Variants in CROCC2 observed in about 807,000 individuals in gnomAD.
CROCC2 encodes ciliary rootlet coiled-coil protein 2.
CROCC2 carries 163 observed loss-of-function variants against 177.6 expected under a neutral mutation model. That is an observed-to-expected ratio of 0.92 (90% confidence interval 0.81 to 1.05). The LOEUF is 1.05. Ranked by LOEUF, CROCC2 falls within the 50% of genes least tolerant of loss-of-function variation. The pLI, the probability that CROCC2 is intolerant of heterozygous loss-of-function variation, is 0.00. For synonymous variants in CROCC2, 904 were observed against 787.3 expected (o/e 1.15, Z -2.48); for missense variants, 1,929 against 1,797.8 (o/e 1.07, Z -1.32).
In CROCC2 at chr2:240,918,892, A is replaced by G. The variant is rs777532965; in HGVS notation, c.229+16A>G. 4.8e-5 allele frequency: 33 copies of G among 681,070 alleles called. No homozygotes were observed. Among genetic ancestry groups the G allele is most frequent in the South Asian group, 4.4e-4 (28 of 63,450 alleles). The allele number at this position is 681,070 out of a possible 1,614,324, so 42.2% of individuals were successfully genotyped here. On this transcript the variant is annotated intron_variant, in intron 2 of 31. Coordinates refer to ENST00000690015, the MANE Select transcript of CROCC2 (RefSeq NM_001351305.2). The surrounding 1 kb of genome is among the most constrained non-coding windows in gnomAD (Gnocchi z 6.3). ...CCACCCCAAGGTGATGGTGTGGGGGACAGTCCTGGGCCCGGGGCTGGCCAA... is the reference window on the plus strand; with the variant it reads ...CCACCCCAAGGTGATGGTGTGGGGGGCAGTCCTGGGCCCGGGGCTGGCCAA...
At chr2:240,961,862 ACT>A (rs2059640613) in intron 20 of CROCC2, among the ~76,000 whole-genome samples, 1 of 70,220 alleles carries the variant, frequency 1.4e-5, no homozygotes, top group African/African-American at 6.0e-5. Flanking sequence ...ACACGCACAC[ACT>A]CATCACACAT....
intron 2 of CROCC2, among the ~76,000 whole-genome samples, chr2:240,919,293 G>A (rs1200653244): frequency 1.3e-5 from 2 of 152,158 alleles, no homozygotes; most frequent in Non-Finnish European, 2.9e-5. Flanking sequence ...CTGCCGCTGT[G>A]TGGCACACTT....
chr2:240,935,588 G>T lies in CROCC2; in HGVS notation c.2169G>T (p.Gln723His). ...EKAQLQEQVG[Q>H]VTCQKQALEE... ...CCCAGCTCCAGGAGCAGGTGGGCCA[G>T]GTGAGGACGTCTGCAGGGCATGCTG... Residue 723 changes from glutamine (Q) to histidine (H), a missense_variant and splice_region_variant, in exon 14 of 32, where the codon CAG becomes CAT. By Grantham distance (24) the Gln-to-His change is conservative (BLOSUM62 0). This residue lies in a region of CROCC2 where 1,397 missense variants were observed against 1,239.9 expected (regional missense o/e 1.13). Transcript: ENST00000690015. 1 of 1,385,064 alleles carries T rather than the reference G, an allele frequency of 7.2e-7. No homozygotes were observed. Among genetic ancestry groups the T allele is most frequent in the Non-Finnish European group, 9.3e-7 (1 of 1,071,104 alleles). 85.8% of individuals were successfully genotyped at this position (1,385,064 alleles called of 1,614,324 possible). A position where few individuals can be genotyped will look rare whatever the true frequency, so the allele number is the denominator to read the frequency against.
At chr2:240,916,417 C>T (rs2059320563) in intron 1 of CROCC2, among the ~76,000 whole-genome samples, 1 of 82,502 alleles carries the variant, frequency 1.2e-5, no homozygotes, top group Non-Finnish European at 2.5e-5. Flanking sequence ...CCCCGGTGCC[C>T]CCCGCCCACC....
At chr2:240,989,953 TGCCACCCAGTGG>T (rs770601268) in intron 30 of CROCC2, 120 bp downstream of exon 30, 123 of 946,698 alleles carry the variant, frequency 1.3e-4, no homozygotes, top group Non-Finnish European at 1.8e-4. Flanking sequence ...GGCTCTCCAC[TGCCACCCAGTGG>T]GCTCCAGACC....
intron 26 of CROCC2, chr2:240,967,714 GC>G: frequency 9.3e-6 from 4 of 431,468 alleles, no homozygotes; most frequent in Non-Finnish European, 1.2e-5. Context: ...TCCCGATCCG[GC>G]CCCCAGCATC....
At chr2:240,966,200 A>G in intron 24 of CROCC2, 25 bp from the exon 25 acceptor site, 1 of 1,097,516 alleles carries the variant, frequency 9.1e-7, no homozygotes, top group Non-Finnish European at 1.2e-6. Flanking sequence ...CCTGTCCACG[A>G]CCCCTCCGCT....
At chr2:240,943,691 G>A (rs900784173) in intron 14 of CROCC2, among the ~76,000 whole-genome samples, 1 of 151,960 alleles carries the variant, frequency 6.6e-6, no homozygotes, top group African/African-American at 2.4e-5. Context: ...TGTTGGCCAG[G>A]TTGGTCTCGA....
At chr2:240,974,395 G>A (rs1443054447) in intron 27 of CROCC2, among the ~76,000 whole-genome samples, 2 of 148,012 alleles carry the variant, frequency 1.4e-5, no homozygotes, top group African/African-American at 5.0e-5. Context: ...AGGCTAGAGT[G>A]CAGTGGCATG....
At chr2:240,948,917 G>C (rs1237505641) in intron 15 of CROCC2, 62 bp from the exon 16 acceptor site, 1 of 1,460,348 alleles carries the variant, frequency 6.8e-7, no homozygotes, top group Non-Finnish European at 9.4e-7. Flanking sequence ...TAAAGCTATA[G>C]AGAGCATTTT....
chr2:240,961,826 C>A (rs1473302591), intron 20 of CROCC2, among the ~76,000 whole-genome samples: 1 of 141,510 alleles, frequency 7.1e-6, no homozygotes, highest in Non-Finnish European at 1.5e-5. Flanking sequence ...CTCACACACA[C>A]GCACGCACAC....
At chr2:240,944,803 G>T (rs950145478) in intron 14 of CROCC2, among the ~76,000 whole-genome samples, 1 of 151,958 alleles carries the variant, frequency 6.6e-6, no homozygotes, top group South Asian at 2.1e-4. Context: ...TGGTTTTTTT[G>T]TCATGTGGTC....
chr2:240,952,098 C>T (rs1017264934), intron 18 of CROCC2, among the ~76,000 whole-genome samples: 1 of 152,106 alleles, frequency 6.6e-6, no homozygotes, highest in African/African-American at 2.4e-5. Context: ...GTAATCACAG[C>T]ACTTTGGGAG....
chr2:240,946,387 G>A (rs997919821), intron 15 of CROCC2, 134 bp downstream of exon 15: 2 of 923,430 alleles, frequency 2.2e-6, no homozygotes, highest in Non-Finnish European at 3.1e-6. Flanking sequence ...GAAATGGGCT[G>A]TGAGTGGAGG....
Position 240,968,191 on chromosome 2 carries a change from G to A in CROCC2, c.4330G>A (p.Ala1444Thr), listed in dbSNP as rs185665386. 262 of 1,532,596 alleles carry A rather than the reference G, an allele frequency of 1.7e-4. No homozygotes were observed. The highest frequency in any genetic ancestry group is 2.2e-4 in the Non-Finnish European group (250 of 1,144,868). The allele number at this position is 1,532,596 out of a possible 1,614,324, so 94.9% of individuals were successfully genotyped here. A position where few individuals can be genotyped will look rare whatever the true frequency, so the allele number is the denominator to read the frequency against. ...ARAARALQKE[A>T]LRRLELEHLA... ...GGCAGCACGTGCCCTGCAGAAGGAGGCGCTCCGCAGGCTGGAGTTGGAGCA... is the reference window on the plus strand; with the variant it reads ...GGCAGCACGTGCCCTGCAGAAGGAGACGCTCCGCAGGCTGGAGTTGGAGCA... The change falls in exon 27 of 32, where the codon GCG (alanine) becomes ACG (threonine). Residue 1444 changes from alanine to threonine, a missense_variant. Coordinates refer to ENST00000690015, the MANE Select transcript of CROCC2 (RefSeq NM_001351305.2).
intron 14 of CROCC2, among the ~76,000 whole-genome samples, chr2:240,941,203 C>T (rs2059492808): frequency 6.6e-6 from 1 of 152,090 alleles, no homozygotes; most frequent in African/African-American, 2.4e-5. Flanking sequence ...CAAATGGAAA[C>T]ACATCCTATG....
chr2:240,961,817 TCA>T (rs776236348), intron 20 of CROCC2, among the ~76,000 whole-genome samples: 33,662 of 60,280 alleles, frequency 0.56, 10,878 homozygotes, highest in Non-Finnish European at 0.61. Context: ...TCACATACAC[TCA>T]CACACACGCA....
At chr2:240,985,702 A>C in intron 28 of CROCC2, among the ~76,000 whole-genome samples, 1 of 80,858 alleles carries the variant, frequency 1.2e-5, no homozygotes, top group African/African-American at 5.7e-5. Context: ...CCAGGCACTC[A>C]CTCCACACAC....
chr2:240,931,468 G>A (rs551964414), intron 7 of CROCC2, among the ~76,000 whole-genome samples: 24 of 152,282 alleles, frequency 1.6e-4, no homozygotes, highest in Middle Eastern at 3.4e-3. Context: ...GCTCACCTTA[G>A]GTAAATCATA....
Sources: gnomAD v4.1 joint callset for allele counts (sites outside exome capture counted in the v4.1 genomes callset) on GRCh38, gnomAD v4.1.1 for gene constraint, gnomAD v4.1.1 regional missense constraint, Gnocchi (gnomAD v3.1) non-coding constraint, MANE v1.5 for transcripts, NCBI Gene and HGNC (gene_info 2026-07-23, HGNC 2026-07-21) for gene names.